Variants in ARHGEF17 observed in about 807,000 individuals in gnomAD.
ARHGEF17 encodes the protein Rho guanine nucleotide exchange factor 17.
In ARHGEF17, 80 loss-of-function variants were observed where a neutral mutation model predicts 174.0. That is an observed-to-expected ratio of 0.46 (90% CI 0.38 to 0.55). The LOEUF is 0.55. Among genes scored for constraint, ARHGEF17 ranks in the 20% least tolerant of loss-of-function variants. The pLI, the probability that ARHGEF17 is intolerant of heterozygous loss-of-function variation, is 0.00. For synonymous variants in ARHGEF17, 1,311 were observed against 1,189.1 expected, an observed-to-expected ratio of 1.10 and a Z score of -2.11; for missense variants, 2,886 against 2,839.7, an observed-to-expected ratio of 1.02 and a Z score of -0.37.
At chr11:73,363,973 C>A in intron 16 of ARHGEF17, 140 bp downstream of exon 16, 1 of 1,105,806 alleles carries the variant, frequency 9.0e-7, no homozygotes, top group Non-Finnish European at 1.3e-6. Context: ...CCTAGGCTAG[C>A]TGTGCCTCTT....
intron 1 of ARHGEF17, among the ~76,000 whole-genome samples, chr11:73,340,866 A>C (rs1306282669): frequency 6.6e-6 from 1 of 152,180 alleles, no homozygotes; most frequent in Non-Finnish European, 1.5e-5. Flanking sequence ...GACCCCCTGC[A>C]TGCCCAGCCC....
chr11:73,356,744 G>A lies in ARHGEF17; in HGVS notation c.3876G>A (p.Glu1292=), dbSNP rs200565039. ...QAPLRRFLRQ[E]MVIEVKAIGG... Reference sequence around the variant, plus strand: ...CTCTGCGGCGGTTCCTGAGACAGGAGATGGTCATTGAAGTGGTAAGAAGTG... The same window carrying A: ...CTCTGCGGCGGTTCCTGAGACAGGAAATGGTCATTGAAGTGGTAAGAAGTG... Residue 1292 remains glutamate, a synonymous_variant, in exon 7 of 21, where the codon GAG becomes GAA. Transcript: ENST00000263674. 204 of 1,614,094 alleles carry A rather than the reference G, an allele frequency of 1.3e-4. No individual in the cohort carries two copies. Among genetic ancestry groups the A allele is most frequent in the Non-Finnish European group, 1.6e-4 (186 of 1,180,050 alleles).
In ARHGEF17 at chr11:73,308,581, C is replaced by G. The variant is rs1010886294; in HGVS notation, c.-58C>G. On this transcript the variant is annotated 5_prime_UTR_variant, in exon 1 of 21. Transcript: ENST00000263674. ...GCTGCGCTCCTAGGGAGTGGGGGCGCAGGGGGGGTTGGCCGCGGCTGCCCG... is the reference window on the plus strand; with the variant it reads ...GCTGCGCTCCTAGGGAGTGGGGGCGGAGGGGGGGTTGGCCGCGGCTGCCCG... The G allele has an allele frequency of 1.5e-6, 2 of 1,355,266 alleles. No individual in the cohort carries two copies. The highest frequency in any genetic ancestry group is 1.9e-6 in the Non-Finnish European group (2 of 1,051,208). 84.0% of individuals were successfully genotyped at this position (1,355,266 alleles called of 1,614,324 possible).
chr11:73,309,433 G>C lies in ARHGEF17; in HGVS notation c.795G>C (p.Gln265His). The C allele has an allele frequency of 6.5e-7, 1 of 1,545,312 alleles. No individual in the cohort carries two copies. Among genetic ancestry groups the C allele is most frequent in the Non-Finnish European group, 8.7e-7 (1 of 1,143,746 alleles). The stretch of plus-strand genomic sequence containing the variant: ...GCCCGCCGCAGCTGCCTGGAGCCCA[G>C]AGTCCGGCCTACCACGGCGGCCACT... ...EEGPPQLPGA[Q>H]SPAYHGGHSS... Residue 265 changes from glutamine to histidine, a missense_variant, in exon 1 of 21, where the codon CAG (glutamine) becomes CAC (histidine). Around this residue, in one of 4 missense-constraint regions of ARHGEF17, gnomAD observed 1,728 missense variants for 1,461.2 expected, o/e 1.18. Coordinates refer to ENST00000263674, the MANE Select transcript of ARHGEF17 (RefSeq NM_014786.4).
intron 1 of ARHGEF17, among the ~76,000 whole-genome samples, chr11:73,314,331 C>T (rs1283838616): frequency 1.3e-5 from 2 of 152,210 alleles, no homozygotes; most frequent in Non-Finnish European, 2.9e-5. Flanking sequence ...GGATGCCCCC[C>T]GCCCCCCAGG....
intron 1 of ARHGEF17, among the ~76,000 whole-genome samples, chr11:73,319,821 G>T (rs1452325899): frequency 6.6e-6 from 1 of 152,202 alleles, no homozygotes; most frequent in African/African-American, 2.4e-5. Flanking sequence ...AGGTCCAGAG[G>T]CAGGCAGAGC....
intron 1 of ARHGEF17, among the ~76,000 whole-genome samples, chr11:73,339,917 A>G (rs1865343827): frequency 6.6e-6 from 1 of 152,126 alleles, no homozygotes. Context: ...GGCCTTCACC[A>G]AGCACCCTGT....
At chr11:73,340,597 C>T (rs1330660921) in intron 1 of ARHGEF17, among the ~76,000 whole-genome samples, 1 of 152,220 alleles carries the variant, frequency 6.6e-6, no homozygotes, top group African/African-American at 2.4e-5. Context: ...AATCCTGAGC[C>T]ACACACTGCC....
intron 1 of ARHGEF17, among the ~76,000 whole-genome samples, chr11:73,338,437 G>A (rs1285218664): frequency 6.6e-6 from 1 of 152,204 alleles, no homozygotes; most frequent in Non-Finnish European, 1.5e-5. Context: ...CAGGGAAATG[G>A]ATAGCCCATT....
chr11:73,357,356 T>C lies in ARHGEF17; in HGVS notation c.4087+29T>C, dbSNP rs766228736. On this transcript the variant is annotated intron_variant, in intron 9 of 20. Transcript: ENST00000263674. ...GGTTTGATGCTAGGGGTTCTGGGTGTTGGGGTCTTCCTCTGAGAAGCCCTC... is the reference window on the plus strand; with the variant it reads ...GGTTTGATGCTAGGGGTTCTGGGTGCTGGGGTCTTCCTCTGAGAAGCCCTC... 3 of 1,597,886 alleles carry C rather than the reference T, an allele frequency of 1.9e-6. No individual in the cohort carries two copies. In the African/African-American group the frequency reaches 4.0e-5, roughly 21 times the overall value.
In ARHGEF17 at chr11:73,360,321, G is replaced by T; in HGVS notation, c.4208G>T (p.Ser1403Ile). 1.2e-6 allele frequency: 2 copies of T among 1,613,490 alleles called. No homozygotes were observed. Among genetic ancestry groups the T allele is most frequent in the African/African-American group, 2.7e-5 (2 of 75,076 alleles). ...AGGCCTGGGCCCTCTTCCCCACAGA[G>T]CCTGGACGATGCACTGCGGGACCTC... The part of the protein sequence containing the change: ...LSESLGFPHQ[S>I]LDDALRDLSA... The change falls in exon 11 of 21, where the codon AGC (serine) becomes ATC (isoleucine). Residue 1403 changes from serine (S) to isoleucine (I), a missense_variant and splice_region_variant. Transcript: ENST00000263674.
intron 1 of ARHGEF17, among the ~76,000 whole-genome samples, chr11:73,335,493 A>G (rs1865271876): frequency 6.6e-6 from 1 of 152,000 alleles, no homozygotes; most frequent in Non-Finnish European, 1.5e-5. Context: ...TGGAAGGTCC[A>G]GCTGTATCTT....
Position 73,311,684 on chromosome 11 carries a change from TC to T in ARHGEF17, c.3048del (p.Gly1017ValfsTer56). The T allele has an allele frequency of 6.2e-7, 1 of 1,613,378 alleles. No individual in the cohort carries two copies. Among genetic ancestry groups the T allele is most frequent in the Non-Finnish European group, 8.5e-7 (1 of 1,180,008 alleles). ...VTKQYMLNLHSGEVPAPVPVD... is the reference protein window; with the variant it reads ...VTKQYMLNLHXGEVPAPVPVD... The stretch of plus-strand genomic sequence containing the variant: ...CAAGCAGTACATGCTGAACCTGCAC[TC>T]CGGTGAGGTCCCTGCCCCAGTGCCA... On this transcript the variant is annotated frameshift_variant, in exon 1 of 21. Transcript: ENST00000263674. LOFTEE classifies it high-confidence loss of function.
intron 1 of ARHGEF17, among the ~76,000 whole-genome samples, chr11:73,323,332 G>C (rs1286224860): frequency 6.6e-6 from 1 of 152,228 alleles, no homozygotes; most frequent in African/African-American, 2.4e-5. Context: ...GAGTCCAGCA[G>C]AGCTCTAGAA....
rs1285187269 is a variant in ARHGEF17, at chr11:73,352,953, C to A, written c.3394C>A (p.Arg1132=). The change falls in exon 3 of 21, where the codon CGG becomes AGG. Residue 1132 remains arginine, a synonymous_variant. Coordinates refer to ENST00000263674, the MANE Select transcript of ARHGEF17 (RefSeq NM_014786.4). ...CCACGAGCAATTCCTGGAGCAGGTT[C>A]GGCACTGCATGCAGACCTGGCATGC... ...EHHEQFLEQV[R]HCMQTWHAQQ... is the part of the protein sequence containing the mutation. 1.2e-6 allele frequency: 2 copies of A among 1,614,000 alleles called. No homozygotes were observed. The highest frequency in any genetic ancestry group is 1.3e-5 in the African/African-American group (1 of 74,924).
chr11:73,309,928 C>G lies in ARHGEF17; in HGVS notation c.1290C>G (p.Ser430=). Residue 430 remains serine, a synonymous_variant, in exon 1 of 21, where the codon TCC becomes TCG. Transcript: ENST00000263674. ...SFGAGEGLLR[S]QARTRAKGPG... Reference sequence around the variant, plus strand: ...GAGCTGGGGAAGGGCTCCTGCGGTCCCAGGCTCGAACCCGTGCCAAAGGAC... The same window carrying G: ...GAGCTGGGGAAGGGCTCCTGCGGTCGCAGGCTCGAACCCGTGCCAAAGGAC... The G allele has an allele frequency of 6.2e-7, 1 of 1,613,470 alleles. No individual in the cohort carries two copies.
chr11:73,343,345 AACCCAGGAG>A, intron 1 of ARHGEF17: 1 of 392,642 alleles, frequency 2.5e-6, no homozygotes, highest in East Asian at 3.6e-5. Context: ...CCCAGGAGCC[AACCCAGGAG>A]ACGGTGGGGG....
chr11:73,353,885 T>G (rs1865594891), intron 3 of ARHGEF17, among the ~76,000 whole-genome samples: 1 of 152,234 alleles, frequency 6.6e-6, no homozygotes, highest in Non-Finnish European at 1.5e-5. Context: ...TTATAAGAAT[T>G]TAATTACATT....
chr11:73,319,871 C>G (rs1315747262), intron 1 of ARHGEF17, among the ~76,000 whole-genome samples: 2 of 152,130 alleles, frequency 1.3e-5, no homozygotes, highest in African/African-American at 4.8e-5. Context: ...CCAATGTGTT[C>G]CTGGGGCCAG....
Sources: allele counts gnomAD v4.1 joint callset (sites outside exome capture counted in the v4.1 genomes callset), GRCh38; gene constraint gnomAD v4.1.1; regional missense constraint gnomAD v4.1.1; transcripts MANE v1.5; gene names NCBI Gene and HGNC (gene_info 2026-07-23, HGNC 2026-07-21).